EML6: variants seen among roughly 807,000 people sequenced by gnomAD.
EML6 encodes the protein EMAP like 6.
In EML6, 154 loss-of-function variants were observed where a neutral mutation model predicts 240.1. The observed-to-expected ratio is 0.64, with a 90% CI of 0.56 to 0.73. The LOEUF (loss-of-function observed/expected upper bound fraction) is 0.73, where lower values mean the gene tolerates loss of function less well. EML6 is among the 30% of genes least tolerant of loss of function. EML6 has a pLI of 0.00. For synonymous variants in EML6, 1,148 were observed against 899.0 expected (o/e 1.28, Z -4.95); for missense variants, 2,964 against 2,474.6 (o/e 1.20, Z -4.20).
In EML6 at chr2:54,827,672, C is replaced by A. The variant is rs1668662236; in HGVS notation, c.632C>A (p.Thr211Asn). The change falls in exon 6 of 42, where the codon ACC becomes AAC. Residue 211 changes from threonine (T) to asparagine (N), a missense_variant. Physicochemically the swap from Thr to Asn is moderately conservative, Grantham distance 65 (BLOSUM62 0). Coordinates refer to ENST00000356458, the MANE Select transcript of EML6 (RefSeq NM_001039753.4). ...LCLACAKEDI[T>N]YSGALNGDIY... ...CTTGCATGTGCCAAAGAAGACATCA[C>A]CTACTCTGGTGCTTTAAATGGTGAC... 3 of 1,551,612 alleles carry A rather than the reference C, an allele frequency of 1.9e-6. No individual in the cohort carries two copies. Among genetic ancestry groups the A allele is most frequent in the Middle Eastern group, 1.7e-4 (1 of 5,988 alleles).
chr2:54,872,903 C>T (rs1671328623), intron 16 of EML6, among the ~76,000 whole-genome samples: 1 of 152,142 alleles, frequency 6.6e-6, no homozygotes, highest in Non-Finnish European at 1.5e-5. Context: ...TTATGGCACC[C>T]ATTGCTCTTG....
intron 28 of EML6, among the ~76,000 whole-genome samples, chr2:54,932,186 T>A (rs1386396985): frequency 2.0e-5 from 3 of 152,186 alleles, no homozygotes; most frequent in African/African-American, 7.2e-5. Context: ...CTACCAGATA[T>A]GTAATGTCCA....
chr2:54,892,698 C>G lies in EML6; in HGVS notation c.2742+42C>G, dbSNP rs1168448772. The G allele has an allele frequency of 4.1e-6, 6 of 1,478,820 alleles. No individual in the cohort carries two copies. The South Asian group carries it at 6.3e-5, about 15-fold the overall frequency. 91.6% of individuals were successfully genotyped at this position (1,478,820 alleles called of 1,614,324 possible). On this transcript the variant is annotated intron_variant, in intron 19 of 41. Transcript: ENST00000356458. ...AGCATTCATTTTCCTCATCAGCCTT[C>G]TAAAATTATAAGGTAGTCTTAGGAT...
rs1176685097 is a variant in EML6 at position 54,724,557 on chromosome 2, T to A, written c.-505T>A. On this transcript the variant is annotated 5_prime_UTR_variant, in exon 2 of 42. Transcript: ENST00000356458. The surrounding 1 kb of genome is among the most constrained non-coding windows in gnomAD (Gnocchi z 5.2). The stretch of plus-strand genomic sequence containing the variant: ...TCGCTTCCTGGATATAGACTGTCAA[T>A]TTCGGATCCAAAGACGGCGATGGCA... 1 of 152,166 alleles carries A rather than the reference T, an allele frequency of 6.6e-6. No individual in the cohort carries two copies. The highest frequency in any genetic ancestry group is 1.5e-5 in the Non-Finnish European group (1 of 68,028). 9.4% of individuals were successfully genotyped at this position (152,166 alleles called of 1,614,324 possible).
At chr2:54,938,125 C>G (rs1038059278) in intron 28 of EML6, among the ~76,000 whole-genome samples, 7 of 152,172 alleles carry the variant, frequency 4.6e-5, no homozygotes, top group African/African-American at 1.2e-4. Context: ...GCGGGCAGAT[C>G]ACCTGAGGTC....
At chr2:54,760,979 A>G (rs1274046393) in intron 2 of EML6, among the ~76,000 whole-genome samples, 1 of 152,118 alleles carries the variant, frequency 6.6e-6, no homozygotes, top group Non-Finnish European at 1.5e-5. Context: ...TAATCTGGGA[A>G]GTACTGAGTT....
intron 2 of EML6, among the ~76,000 whole-genome samples, chr2:54,729,212 T>G (rs1421135477): frequency 6.6e-6 from 1 of 152,252 alleles, no homozygotes; most frequent in Non-Finnish European, 1.5e-5. Context: ...GGGTCCTGTT[T>G]GCATCTGCAT....
chr2:54,833,746 C>G (rs1022833530), intron 7 of EML6, among the ~76,000 whole-genome samples: 2 of 152,162 alleles, frequency 1.3e-5, no homozygotes, highest in Admixed American at 1.3e-4. Flanking sequence ...TGCATTTTTG[C>G]TGACTGGGTG....
chr2:54,765,313 T>G (rs961312685), intron 2 of EML6, among the ~76,000 whole-genome samples: 3 of 152,244 alleles, frequency 2.0e-5, no homozygotes, highest in African/African-American at 7.2e-5. Context: ...TTAAATCTTC[T>G]TAAACAATGG....
intron 3 of EML6, among the ~76,000 whole-genome samples, chr2:54,814,499 A>G (rs1285678729): frequency 6.6e-6 from 1 of 151,970 alleles, no homozygotes; most frequent in African/African-American, 2.4e-5. Context: ...TCTTCTCCTC[A>G]TCTCCCCAAC....
intron 26 of EML6, among the ~76,000 whole-genome samples, chr2:54,925,607 A>G (rs1674501904): frequency 2.0e-5 from 3 of 152,108 alleles, no homozygotes; most frequent in African/African-American, 4.8e-5. Context: ...AAGTATCTTT[A>G]TTAATATTCA....
intron 7 of EML6, among the ~76,000 whole-genome samples, chr2:54,838,830 A>G (rs1231525539): frequency 1.3e-5 from 2 of 152,190 alleles, no homozygotes; most frequent in Non-Finnish European, 2.9e-5. Flanking sequence ...TGGACACCTC[A>G]TCTGTGTGGT....
chr2:54,924,872 T>A (rs1674461576), intron 26 of EML6, among the ~76,000 whole-genome samples: 1 of 152,184 alleles, frequency 6.6e-6, no homozygotes, highest in South Asian at 2.1e-4. Context: ...CTCTTCTTTT[T>A]TTTTCAACCT....
At chr2:54,825,809 GTT>G (rs923205348) in intron 5 of EML6, among the ~76,000 whole-genome samples, 4 of 152,184 alleles carry the variant, frequency 2.6e-5, no homozygotes, top group African/African-American at 9.6e-5. Context: ...TCCCAGAACT[GTT>G]TCCTCTAGTA....
At chr2:54,820,863 G>A (rs1375718669) in intron 5 of EML6, among the ~76,000 whole-genome samples, 1 of 152,098 alleles carries the variant, frequency 6.6e-6, no homozygotes, top group Non-Finnish European at 1.5e-5. Context: ...TTAAAAGAAA[G>A]GTGTCAAGTT....
intron 2 of EML6, chr2:54,748,268 C>T (rs1479413519): frequency 6.6e-6 from 1 of 152,108 alleles, no homozygotes; most frequent in Non-Finnish European, 1.5e-5. Flanking sequence ...TGCCCCAGTA[C>T]CTTTGGTGGG....
At chr2:54,944,974 G>A (rs982130143) in intron 28 of EML6, among the ~76,000 whole-genome samples, 53 of 137,656 alleles carry the variant, frequency 3.9e-4, no homozygotes, top group African/African-American at 1.3e-3. Flanking sequence ...TGTGTTTCTC[G>A]CCCCTCCCTT....
At chr2:54,895,064 C>A (rs1443726333) in intron 20 of EML6, 38 bp downstream of exon 20, 12 of 1,449,992 alleles carry the variant, frequency 8.3e-6, no homozygotes, top group South Asian at 1.2e-5. Context: ...TCTTTGTATT[C>A]ATAGGGATGG....
Position 54,970,958 on chromosome 2 carries a change from A to G in EML6, c.*863A>G, listed in dbSNP as rs1294091477. ...TCATGCCAAACCCACAAAATCCAAAATAGAATTCAAGTTAAACAAACTTCT... is the reference window on the plus strand; with the variant it reads ...TCATGCCAAACCCACAAAATCCAAAGTAGAATTCAAGTTAAACAAACTTCT... On this transcript the variant is annotated 3_prime_UTR_variant, in exon 42 of 42. Transcript: ENST00000356458. The G allele has an allele frequency of 6.6e-6, 1 of 152,248 alleles. No homozygotes were observed. Among genetic ancestry groups the G allele is most frequent in the Non-Finnish European group, 1.5e-5 (1 of 68,044 alleles). 9.4% of individuals were successfully genotyped at this position (152,248 alleles called of 1,614,324 possible). A position where few individuals can be genotyped will look rare whatever the true frequency, so the allele number is the denominator to read the frequency against.
Sources: allele counts gnomAD v4.1 joint callset (sites outside exome capture counted in the v4.1 genomes callset), GRCh38; gene constraint gnomAD v4.1.1; non-coding constraint Gnocchi (gnomAD v3.1); transcripts MANE v1.5; gene names NCBI Gene and HGNC (gene_info 2026-07-23, HGNC 2026-07-21).